WIPF2: variants seen among roughly 807,000 people sequenced by gnomAD.
WIPF2 encodes WAS/WASL-interacting protein family member 2.
In WIPF2, 23 loss-of-function variants were observed where a neutral mutation model predicts 38.8. The observed-to-expected ratio is 0.59, with a 90% confidence interval of 0.43 to 0.84. The LOEUF is 0.84. WIPF2 is among the 40% of genes least tolerant of loss of function. WIPF2 has a pLI of 0.00. For synonymous variants in WIPF2, 210 were observed against 223.2 expected, an observed-to-expected ratio of 0.94 and a Z score of 0.53; for missense variants, 574 against 580.5, an observed-to-expected ratio of 0.99 and a Z score of 0.11.
At chr17:40,234,848 G>A (rs954033172) in intron 1 of WIPF2, among the ~76,000 whole-genome samples, 5 of 151,982 alleles carry the variant, frequency 3.3e-5, no homozygotes, top group African/African-American at 7.3e-5. Context: ...CCGAGGCCAC[G>A]CACGCTCTCG....
chr17:40,247,166 G>A (rs901144193), intron 1 of WIPF2, among the ~76,000 whole-genome samples: 1 of 149,918 alleles, frequency 6.7e-6, no homozygotes, highest in Admixed American at 6.7e-5. Flanking sequence ...ATGGACATAG[G>A]TGTATGAAAT....
chr17:40,259,071 G>A (rs1040777226), intron 2 of WIPF2, among the ~76,000 whole-genome samples: 1 of 135,588 alleles, frequency 7.4e-6, no homozygotes, highest in Admixed American at 7.6e-5. Flanking sequence ...TAAAGGCAGA[G>A]TCTCACTTTG....
chr17:40,222,288 G>A (rs1296772623), intron 1 of WIPF2, among the ~76,000 whole-genome samples: 1 of 151,608 alleles, frequency 6.6e-6, no homozygotes, highest in African/African-American at 2.4e-5. Flanking sequence ...TCCTGACCTC[G>A]TGATCTGCCC....
intron 7 of WIPF2, among the ~76,000 whole-genome samples, chr17:40,277,595 T>C (rs994146112): frequency 1.3e-5 from 2 of 151,590 alleles, no homozygotes; most frequent in East Asian, 3.9e-4. Flanking sequence ...GCAGGAGAAC[T>C]GTTTAAACCC....
At chr17:40,272,008 G>C (rs897867985) in intron 5 of WIPF2, among the ~76,000 whole-genome samples, 1 of 151,382 alleles carries the variant, frequency 6.6e-6, no homozygotes, top group African/African-American at 2.4e-5. Flanking sequence ...TTCAGACATA[G>C]GTATGAACAT....
intron 1 of WIPF2, among the ~76,000 whole-genome samples, chr17:40,226,436 C>T (rs1031816704): frequency 6.6e-6 from 1 of 151,022 alleles, no homozygotes; most frequent in Non-Finnish European, 1.5e-5. Flanking sequence ...AGACTGGTCT[C>T]GAACTCCTGA....
chr17:40,255,689 C>A (rs2031702537), intron 1 of WIPF2, among the ~76,000 whole-genome samples: 1 of 142,388 alleles, frequency 7.0e-6, no homozygotes, highest in Admixed American at 7.2e-5. Flanking sequence ...AGTGCAGTGG[C>A]ACCATCTCGG....
In WIPF2 at chr17:40,245,505, GCTGA is replaced by G. The variant is rs2031334702; in HGVS notation, c.-69-10883_-69-10880del. ...TTACAGGCGCCCGCCACCATGCTTG[GCTGA>G]CTTTTATATTTTTAGTAGAGACAGG... On this transcript the variant is annotated intron_variant, in intron 1 of 7. Transcript: ENST00000323571. Among the ~76,000 whole-genome samples, 4 of 152,042 alleles carry G rather than the reference GCTGA, an allele frequency of 2.6e-5. No individual in the cohort carries two copies. In the South Asian group the frequency reaches 8.3e-4, roughly 32 times the overall value.
rs2032018572 is a variant in WIPF2, at chr17:40,264,580, A to G, written c.404A>G (p.Gln135Arg). Residue 135 changes from glutamine to arginine, a missense_variant, in exon 5 of 8, where the codon CAG becomes CGG. Transcript: ENST00000323571. Reference sequence around the variant, plus strand: ...GTATCTGCCGCCAGCGGGCGTCCTCAGGATGATACAGACAGCAGCCGGGCC... The same window carrying G: ...GTATCTGCCGCCAGCGGGCGTCCTCGGGATGATACAGACAGCAGCCGGGCC... ...PPVSAASGRP[Q>R]DDTDSSRASL... 2 of 1,614,160 alleles carry G rather than the reference A, an allele frequency of 1.2e-6. No individual in the cohort carries two copies. Among genetic ancestry groups the G allele is most frequent in the East Asian group, 4.5e-5 (2 of 44,872 alleles).
chr17:40,255,424 C>A (rs1308496609), intron 1 of WIPF2, among the ~76,000 whole-genome samples: 1 of 151,866 alleles, frequency 6.6e-6, no homozygotes, highest in Non-Finnish European at 1.5e-5. Context: ...CTCCCAGGTT[C>A]AAGCGATTCT....
chr17:40,220,613 A>ATATATATG (rs1567705902), intron 1 of WIPF2: 6 of 81,868 alleles, frequency 7.3e-5, no homozygotes, highest in Non-Finnish European at 1.2e-4. Context: ...ATATATATAT[A>ATATATATG]TATATGTATA....
At chr17:40,228,321 A>T (rs768414343) in intron 1 of WIPF2, among the ~76,000 whole-genome samples, 59 of 151,936 alleles carry the variant, frequency 3.9e-4, no homozygotes, top group Non-Finnish European at 6.9e-4. Context: ...GGCCATTTTT[A>T]TACCTCTTTT....
chr17:40,248,826 G>A (rs906512118), intron 1 of WIPF2, among the ~76,000 whole-genome samples: 15 of 152,092 alleles, frequency 9.9e-5, no homozygotes, highest in African/African-American at 3.6e-4. Context: ...ACCTATCTCT[G>A]TTTCTTTGTA....
intron 1 of WIPF2, chr17:40,220,603 AT>A (rs1567705825): frequency 1.7e-4 from 20 of 114,526 alleles, no homozygotes; most frequent in African/African-American, 7.1e-4. Context: ...ATATATATAT[AT>A]ATATATATAT....
intron 1 of WIPF2, among the ~76,000 whole-genome samples, chr17:40,234,922 CTT>C (rs113668532): frequency 2.1e-5 from 3 of 145,266 alleles, no homozygotes. Context: ...TCTTTTTTTC[CTT>C]TTTTTTTTTT....
intron 1 of WIPF2, chr17:40,220,661 T>C (rs2030190849): frequency 7.0e-6 from 1 of 143,540 alleles, no homozygotes; most frequent in Non-Finnish European, 1.5e-5. Context: ...GGAGACAGAG[T>C]CTTGCCCTGT....
intron 1 of WIPF2, among the ~76,000 whole-genome samples, chr17:40,235,131 G>T (rs1334731693): frequency 2.0e-5 from 3 of 151,950 alleles, no homozygotes; most frequent in Non-Finnish European, 1.5e-5. Flanking sequence ...TGTTAGCCAG[G>T]ATGGCCGCCC....
At chr17:40,261,679 TTG>T (rs2031907133) in intron 3 of WIPF2, among the ~76,000 whole-genome samples, 1 of 149,504 alleles carries the variant, frequency 6.7e-6, no homozygotes, top group Admixed American at 6.6e-5. Context: ...TTTTTTTTTT[TTG>T]GTTTTTTTTG....
chr17:40,262,206 G>A (rs138372874), intron 3 of WIPF2, among the ~76,000 whole-genome samples: 42 of 151,302 alleles, frequency 2.8e-4, no homozygotes, highest in African/African-American at 9.0e-4. Context: ...TCAGCCTCCC[G>A]AGTAGCTGGG....
Sources: gnomAD v4.1 joint callset for allele counts (sites outside exome capture counted in the v4.1 genomes callset) on GRCh38, gnomAD v4.1.1 for gene constraint, MANE v1.5 for transcripts, NCBI Gene and HGNC (gene_info 2026-07-23, HGNC 2026-07-21) for gene names.